The following DCAF6 variants were observed in gnomAD, a reference collection of about 807,000 sequenced individuals.
The protein encoded by DCAF6 is DDB1- and CUL4-associated factor 6.
In DCAF6, 54 loss-of-function variants were observed where a neutral mutation model predicts 125.1. That is an observed-to-expected ratio of 0.43 (90% CI 0.35 to 0.54). DCAF6 has a LOEUF of 0.54. DCAF6 is among the 20% of genes least tolerant of loss of function. The pLI is 0.01. For missense variants in DCAF6, 934 were observed against 1,161.7 expected, an observed-to-expected ratio of 0.80 and a Z score of 2.85; for synonymous variants, 371 against 390.4, an observed-to-expected ratio of 0.95 and a Z score of 0.58.
At chr1:167,914,250 T>A in the DCAF6 span, 1 of 152,320 alleles carries the variant, frequency 6.6e-6, no homozygotes, top group Non-Finnish European at 1.5e-5. Flanking sequence ...AGTGGCCTAC[T>A]ACTGTACAAG....
At chr1:167,946,139 T>G (rs1413890888) in intron 1 of DCAF6, among the ~76,000 whole-genome samples, 4 of 151,970 alleles carry the variant, frequency 2.6e-5, no homozygotes, top group Non-Finnish European at 5.9e-5. Flanking sequence ...GTAGTTTTAG[T>G]AGAGACAGGG....
chr1:167,956,052 C>T lies in DCAF6; in HGVS notation c.159+4191C>T, dbSNP rs116549253. ...AAGTGCTGGGATTACAGGTATGAGCCGCTGTGCTTAGCTAAGAACATTGTC... is the reference window on the plus strand; with the variant it reads ...AAGTGCTGGGATTACAGGTATGAGCTGCTGTGCTTAGCTAAGAACATTGTC... On this transcript the variant is annotated intron_variant, in intron 2 of 21. Coordinates refer to ENST00000367840, the MANE Select transcript of DCAF6 (RefSeq NM_001198956.2). Among the ~76,000 whole-genome samples the T allele has an allele frequency of 7.0e-3, 1,068 of 152,246 alleles. 12 individuals carry two copies. Among genetic ancestry groups the T allele is most frequent in the African/African-American group, 0.024 (1,000 of 41,548 alleles).
chr1:168,016,037 T>C, intron 11 of DCAF6, 86 bp downstream of exon 11: 1 of 1,193,972 alleles, frequency 8.4e-7, no homozygotes, highest in Non-Finnish European at 1.1e-6. Flanking sequence ...CCTTTTCCCA[T>C]TCAAAAAGAG....
chr1:168,004,489 G>C (rs1338957708), intron 9 of DCAF6, 44 bp from the exon 10 acceptor site: 1 of 1,596,634 alleles, frequency 6.3e-7, no homozygotes, highest in Non-Finnish European at 8.6e-7. Context: ...GTTGGTTTTA[G>C]AAAATATTTA....
At chr1:167,975,059 T>C in intron 4 of DCAF6, 44 bp downstream of exon 4, 1 of 1,323,426 alleles carries the variant, frequency 7.6e-7, no homozygotes, top group Non-Finnish European at 1.0e-6. Flanking sequence ...TAAGTATGTA[T>C]ATTTTTGATT....
intron 8 of DCAF6, 66 bp from the exon 9 acceptor site, chr1:168,003,804 G>A: frequency 7.0e-7 from 1 of 1,426,042 alleles, no homozygotes; most frequent in Non-Finnish European, 9.4e-7. Flanking sequence ...TCAAATCTAG[G>A]TTTTTGTATT....
intron 1 of DCAF6, among the ~76,000 whole-genome samples, chr1:167,943,547 G>A (rs937550092): frequency 6.6e-6 from 1 of 151,902 alleles, no homozygotes; most frequent in Admixed American, 6.6e-5. Context: ...CAAATTTATG[G>A]GTACATATGC....
chr1:167,970,541 G>A (rs768494367), intron 3 of DCAF6, among the ~76,000 whole-genome samples: 4 of 152,058 alleles, frequency 2.6e-5, no homozygotes, highest in Non-Finnish European at 4.4e-5. Context: ...CCAGTTACTC[G>A]GGAGGGAGTG....
chr1:167,949,820 A>C (rs1673644618), intron 1 of DCAF6, among the ~76,000 whole-genome samples: 1 of 152,170 alleles, frequency 6.6e-6, no homozygotes, highest in Non-Finnish European at 1.5e-5. Context: ...CAGTTTTATT[A>C]AGGTACTGTT....
chr1:168,004,165 T>A (rs1205429904), intron 9 of DCAF6, among the ~76,000 whole-genome samples, 176 bp downstream of exon 9: 1 of 152,196 alleles, frequency 6.6e-6, no homozygotes, highest in Non-Finnish European at 1.5e-5. Context: ...AATTTGTCCC[T>A]TCTGGTGCCA....
At chr1:167,977,476 A>G (rs952678292) in intron 4 of DCAF6, among the ~76,000 whole-genome samples, 2 of 152,090 alleles carry the variant, frequency 1.3e-5, no homozygotes, top group Non-Finnish European at 2.9e-5. Context: ...GTTCCTGTAT[A>G]GGTAACCTGT....
intron 17 of DCAF6, among the ~76,000 whole-genome samples, chr1:168,062,492 T>G (rs1214455920): frequency 5.3e-5 from 8 of 152,202 alleles, no homozygotes; most frequent in Non-Finnish European, 1.0e-4. Flanking sequence ...CTTACCATTC[T>G]GATATACATA....
At chr1:168,009,918 T>C (rs981787281) in intron 10 of DCAF6, among the ~76,000 whole-genome samples, 4 of 152,214 alleles carry the variant, frequency 2.6e-5, no homozygotes, top group African/African-American at 9.6e-5. Flanking sequence ...GCATCTTTTT[T>C]CCCCAACAAT....
At chr1:167,949,922 G>A (rs1443034994) in intron 1 of DCAF6, among the ~76,000 whole-genome samples, 1 of 152,164 alleles carries the variant, frequency 6.6e-6, no homozygotes, top group Non-Finnish European at 1.5e-5. Context: ...TGCTCTAGAA[G>A]CACACTTTAT....
In DCAF6 at chr1:167,992,252, T is replaced by TACACACACACACACACACAC. The variant is rs761598229; in HGVS notation, c.688+925_689-943dup. On this transcript the variant is annotated intron_variant, in intron 6 of 21. Transcript: ENST00000367840. ...TTTTTCAGTAAAGGAAGGCCAGGAT[T>TACACACACACACACACACAC]ACACACACACACACACACACACACA... Among the ~76,000 whole-genome samples, 430 of 143,166 alleles carry TACACACACACACACACACAC rather than the reference T, an allele frequency of 3.0e-3. 3 individuals are homozygous for TACACACACACACACACACAC. The highest frequency in any genetic ancestry group is 4.7e-3 in the Admixed American group (66 of 14,186). 93.9% of individuals were successfully genotyped at this position (143,166 alleles called of 152,430 possible). A position where few individuals can be genotyped will look rare whatever the true frequency, so the allele number is the denominator to read the frequency against.
At chr1:167,993,519 G>C in intron 7 of DCAF6, 79 bp downstream of exon 7, 1 of 1,195,490 alleles carries the variant, frequency 8.4e-7, no homozygotes, top group South Asian at 1.4e-5. Context: ...GGAGGCCGAG[G>C]TGGGTGGATC....
rs1394292272 is a variant in DCAF6 at position 167,993,372 on chromosome 1, C to A, written c.835C>A (p.Leu279Ile). Reference protein sequence around the residue: ...LVSYSSDYIYLFDPKDDTARE... With the variant: ...LVSYSSDYIYIFDPKDDTARE... ...TAGTTACTCTTCAGATTACATATAT[C>A]TTTTTGACCCGAAAGATGATACAGC... The change falls in exon 7 of 22, where the codon CTT (leucine) becomes ATT (isoleucine). Residue 279 changes from leucine (L) to isoleucine (I), a missense_variant. This residue lies in a region of DCAF6 where 309 missense variants were observed against 381.2 expected (regional missense o/e 0.81). Coordinates refer to ENST00000367840, the MANE Select transcript of DCAF6 (RefSeq NM_001198956.2). 1.2e-6 allele frequency: 2 copies of A among 1,613,852 alleles called. No homozygotes were observed. Among genetic ancestry groups the A allele is most frequent in the Non-Finnish European group, 1.7e-6 (2 of 1,179,838 alleles).
intron 3 of DCAF6, chr1:167,968,516 A>G (rs956658502): frequency 1.3e-5 from 2 of 152,264 alleles, no homozygotes; most frequent in African/African-American, 4.8e-5. Context: ...CTTTTTAAGG[A>G]GAGGTTTCTC....
At chr1:167,970,904 C>T (rs1180529204) in intron 3 of DCAF6, among the ~76,000 whole-genome samples, 1 of 151,966 alleles carries the variant, frequency 6.6e-6, no homozygotes, top group Non-Finnish European at 1.5e-5. Context: ...TAGAGACTCC[C>T]CATCATATAC....
Sources: allele counts gnomAD v4.1 joint callset (sites outside exome capture counted in the v4.1 genomes callset), GRCh38; gene constraint gnomAD v4.1.1; regional missense constraint gnomAD v4.1.1; transcripts MANE v1.5; gene names NCBI Gene and HGNC (gene_info 2026-07-23, HGNC 2026-07-21).